Variants in PRDM8 observed in about 807,000 individuals in gnomAD.
The protein encoded by PRDM8 is PR domain zinc finger protein 8.
A neutral mutation model predicts 46.5 loss-of-function variants in PRDM8; 13 were observed. The observed-to-expected ratio is 0.28, with a 90% CI of 0.18 to 0.44. The LOEUF is 0.44. Ranked by LOEUF, PRDM8 falls within the 20% of genes least tolerant of loss-of-function variation. PRDM8 has a pLI of 1.00. For missense variants in PRDM8, 998 were observed against 955.0 expected, an observed-to-expected ratio of 1.04 and a Z score of -0.59; for synonymous variants, 473 against 438.4, an observed-to-expected ratio of 1.08 and a Z score of -0.98.
intron 2 of PRDM8, among the ~76,000 whole-genome samples, chr4:80,192,227 A>T (rs1383051144): frequency 6.6e-6 from 1 of 152,184 alleles, no homozygotes; most frequent in Non-Finnish European, 1.5e-5. Flanking sequence ...AACTGGGATT[A>T]GATGTCAAGG....
intron 2 of PRDM8, 23 bp from the exon 3 acceptor site, chr4:80,201,267 C>T (rs760117094): frequency 1.2e-6 from 2 of 1,606,778 alleles, no homozygotes. Flanking sequence ...TTCTTGTCTT[C>T]TTTCATTTAT....
chr4:80,187,736 C>T (rs1737230783), intron 1 of PRDM8, among the ~76,000 whole-genome samples: 1 of 152,164 alleles, frequency 6.6e-6, no homozygotes, highest in African/African-American at 2.4e-5. Flanking sequence ...ACCTCCTGCT[C>T]CTCCTGTCCT....
chr4:80,199,125 G>C (rs1409567798), intron 1 of PRDM8, among the ~76,000 whole-genome samples: 1 of 151,292 alleles, frequency 6.6e-6, no homozygotes, highest in Non-Finnish European at 1.5e-5. Flanking sequence ...GGATTAAACA[G>C]CTGGGGAGCC....
At chr4:80,192,902 C>G (rs1046189681), upstream of PRDM8, among the ~76,000 whole-genome samples, 10 of 152,124 alleles carry the variant, frequency 6.6e-5, no homozygotes, top group Non-Finnish European at 1.0e-4. Context: ...CAACCCAGAT[C>G]CAGGAGAGGA....
In PRDM8 at chr4:80,203,105, A is replaced by G. The variant is rs1320311514; in HGVS notation, c.1643A>G (p.Lys548Arg). ...YPAAADPLAV[K>R]LQGAADLNGG... ...GCCGCCGCGGACCCTCTAGCGGTGA[A>G]GCTCCAGGGGGCCGCGGACCTGAAC... is the stretch of plus-strand genomic sequence containing the variant. Residue 548 changes from lysine to arginine, a missense_variant, in exon 4 of 4, where the codon AAG (lysine) becomes AGG (arginine). By Grantham distance (26) the Lys-to-Arg change is conservative. Coordinates refer to ENST00000415738, the MANE Select transcript of PRDM8 (RefSeq NM_001099403.2). 1.9e-6 allele frequency: 3 copies of G among 1,571,262 alleles called. No homozygotes were observed. The highest frequency in any genetic ancestry group is 1.4e-5 in the African/African-American group (1 of 72,980).
chr4:80,198,994 G>GTTTTT (rs1310531623), intron 1 of PRDM8, among the ~76,000 whole-genome samples: 39 of 63,434 alleles, frequency 6.1e-4, no homozygotes, highest in Middle Eastern at 0.012. Flanking sequence ...TTTTTTTTTT[G>GTTTTT]TTTTTTTTTT....
At chr4:80,191,123 G>T (rs1737510738) in intron 1 of PRDM8, among the ~76,000 whole-genome samples, 1 of 152,158 alleles carries the variant, frequency 6.6e-6, no homozygotes, top group South Asian at 2.1e-4. Context: ...ATCCAAAAAA[G>T]AGCACTGGCT....
At chr4:80,201,873 TGTGC>T (rs200207619) in intron 3 of PRDM8, 37 bp from the exon 4 acceptor site, 62,614 of 1,602,284 alleles carry the variant, frequency 0.039, 1,118 homozygotes, top group South Asian at 0.14. Context: ...TGTGTGTGTG[TGTGC>T]GTGCGTGCGT....
At chr4:80,196,040 T>G (rs1207185428), upstream of PRDM8, 1 of 984,700 alleles carries the variant, frequency 1.0e-6, no homozygotes, top group East Asian at 1.1e-4. Context: ...CTCCTGGGAC[T>G]GCAGTCACCA....
chr4:80,187,112 G>A (rs888008686), intron 1 of PRDM8, among the ~76,000 whole-genome samples: 16 of 152,268 alleles, frequency 1.1e-4, no homozygotes, highest in African/African-American at 3.9e-4. Flanking sequence ...TTGCCCCCAG[G>A]GTAGAACACT....
rs1231084078 is a variant in PRDM8 at position 80,203,888 on chromosome 4, TA to T, written c.*357del. On this transcript the variant is annotated 3_prime_UTR_variant, in exon 4 of 4. Coordinates refer to ENST00000415738, the MANE Select transcript of PRDM8 (RefSeq NM_001099403.2). ...AAGGTACATTTTTTAAAATGTCATA[TA>T]TTGCAACATATTGATGCATTTGTCA... 5.0e-5 allele frequency: 9 copies of T among 179,436 alleles called. No individual in the cohort carries two copies. Among genetic ancestry groups the T allele is most frequent in the Admixed American group, 1.7e-4 (3 of 17,290 alleles). The allele number at this position is 179,436 out of a possible 1,614,324, so 11.1% of individuals were successfully genotyped here. A position where few individuals can be genotyped will look rare whatever the true frequency, so the allele number is the denominator to read the frequency against.
At chr4:80,201,592 C>T (rs1738452350) in intron 3 of PRDM8, 71 bp downstream of exon 3, 8 of 1,479,294 alleles carry the variant, frequency 5.4e-6, no homozygotes, top group Admixed American at 5.4e-5. Context: ...GGCAGGGGCT[C>T]ACCCGGCGCG....
Position 80,200,260 on chromosome 4 carries a change from C to G in PRDM8, c.180C>G (p.Leu60=), listed in dbSNP as rs1359778779. 1.2e-6 allele frequency: 2 copies of G among 1,614,108 alleles called. No homozygotes were observed. Among genetic ancestry groups the G allele is most frequent in the Admixed American group, 1.7e-5 (1 of 60,030 alleles). Residue 60 remains leucine (L), a synonymous_variant, in exon 2 of 4, where the codon CTC becomes CTG. Transcript: ENST00000415738. ...ATGACAGCATAGCTTTCATAGCTCT[C>G]AAGTCTACTGACAAGAGAACAGTAC... ...SLYDSIAFIA[L]KSTDKRTVPY...
At chr4:80,196,511 C>G, upstream of PRDM8, 6 of 985,440 alleles carry the variant, frequency 6.1e-6, no homozygotes, top group Non-Finnish European at 7.2e-6. Flanking sequence ...AGTGGCTTAG[C>G]GCACAAACGA....
chr4:80,200,434 C>A (rs563341993), intron 2 of PRDM8, 135 bp downstream of exon 2: 4 of 750,208 alleles, frequency 5.3e-6, no homozygotes, highest in Admixed American at 2.7e-5. Flanking sequence ...TCCCATTTCA[C>A]ACATCAAAAA....
At chr4:80,198,435 GA>G (rs1738135991) in intron 1 of PRDM8, among the ~76,000 whole-genome samples, 1 of 152,200 alleles carries the variant, frequency 6.6e-6, no homozygotes. Flanking sequence ...GGATTCCGTT[GA>G]AAAGGAGATA....
rs1459988525 is a variant in PRDM8, at chr4:80,199,038, G to A, written c.-2-1041G>A. ...TTTTTTAGTGATAAGTCTTGTATGG[G>A]GTGTCCAGAGGAAGGAAAATGTCCC... On this transcript the variant is annotated intron_variant, in intron 1 of 3. Transcript: ENST00000415738. Among the ~76,000 whole-genome samples the A allele has an allele frequency of 3.7e-5, 5 of 136,548 alleles. No individual in the cohort carries two copies. In the East Asian group the frequency reaches 1.1e-3, roughly 30 times the overall value. 89.6% of individuals were successfully genotyped at this position (136,548 alleles called of 152,430 possible).
chr4:80,200,140 A>G lies in PRDM8; in HGVS notation c.60A>G (p.Gln20=). The part of the protein sequence containing the change: ...IWDGDAKAVQ[Q]CLTDIFTSVY... The stretch of plus-strand genomic sequence containing the variant: ...ATGGAGATGCCAAGGCTGTCCAACA[A>G]TGTCTGACAGATATTTTTACCAGCG... Residue 20 remains glutamine (Q), a synonymous_variant, in exon 2 of 4, where the codon CAA becomes CAG. Transcript: ENST00000415738. The G allele has an allele frequency of 6.2e-7, 1 of 1,614,108 alleles. No individual in the cohort carries two copies. Among genetic ancestry groups the G allele is most frequent in the Non-Finnish European group, 8.5e-7 (1 of 1,180,010 alleles).
intron 1 of PRDM8, among the ~76,000 whole-genome samples, chr4:80,198,966 CTGGGTTTTTT>C (rs1435950576): frequency 2.3e-5 from 3 of 131,854 alleles, no homozygotes; most frequent in Non-Finnish European, 3.1e-5. Flanking sequence ...ATTTAAATAC[CTGGGTTTTTT>C]TGGGTTTTTT....
Sources: gnomAD v4.1 joint callset for allele counts (sites outside exome capture counted in the v4.1 genomes callset) on GRCh38, gnomAD v4.1.1 for gene constraint, MANE v1.5 for transcripts, NCBI Gene and HGNC (gene_info 2026-07-23, HGNC 2026-07-21) for gene names.